AKAP19: variants seen among roughly 807,000 people sequenced by gnomAD.
AKAP19 encodes the protein small A-kinase anchoring protein.
At chr2:190,002,894 T>C in the AKAP19 span, among the ~76,000 whole-genome samples, 1 of 152,192 alleles carries the variant, frequency 6.6e-6, no homozygotes, top group Admixed American at 6.5e-5. Context: ...TTTTTCTTTT[T>C]AGTTGCGCTA....
chr2:189,915,167 T>C, the AKAP19 span, among the ~76,000 whole-genome samples: 1 of 152,096 alleles, frequency 6.6e-6, no homozygotes, highest in Non-Finnish European at 1.5e-5. Flanking sequence ...CAGTCTACAC[T>C]AGAACTGTTT....
chr2:190,083,912 C>T, the AKAP19 span, among the ~76,000 whole-genome samples: 8 of 152,066 alleles, frequency 5.3e-5, no homozygotes, highest in African/African-American at 1.9e-4. Context: ...AGTCACACAG[C>T]GAGCAAGTTA....
At chr2:190,164,544 G>A in the AKAP19 span, among the ~76,000 whole-genome samples, 2 of 151,892 alleles carry the variant, frequency 1.3e-5, no homozygotes, top group Admixed American at 6.5e-5. Flanking sequence ...AAATAAATAA[G>A]TAAGTTAATT....
At chr2:190,089,712 G>A in the AKAP19 span, 4 of 152,178 alleles carry the variant, frequency 2.6e-5, no homozygotes, top group Admixed American at 1.3e-4. Context: ...CACTGTTGAT[G>A]CTCAAAGGTA....
chr2:189,882,322 A>G, the AKAP19 span, among the ~76,000 whole-genome samples: 21 of 152,152 alleles, frequency 1.4e-4, no homozygotes, highest in African/African-American at 4.8e-4. Flanking sequence ...TAGAAAGTTT[A>G]TTTTGCCTAG....
At chr2:190,108,220 A>G in the AKAP19 span, among the ~76,000 whole-genome samples, 2 of 152,152 alleles carry the variant, frequency 1.3e-5, no homozygotes, top group African/African-American at 4.8e-5. Flanking sequence ...CAATGGTGCA[A>G]TCTTGGCCCA....
the AKAP19 span, among the ~76,000 whole-genome samples, chr2:190,166,235 C>T: frequency 6.9e-6 from 1 of 145,782 alleles, no homozygotes; most frequent in Non-Finnish European, 1.5e-5. Context: ...GGGAAATCTT[C>T]TGGAAAAATA....
the AKAP19 span, chr2:190,180,411 C>G: frequency 2.1e-6 from 2 of 943,312 alleles, no homozygotes; most frequent in South Asian, 9.8e-5. The surrounding 1 kb of genome is among the most constrained non-coding windows in gnomAD (Gnocchi z 6.8). Context: ...CAGGGCGGAG[C>G]TCAGGAGAGT....
At chr2:190,039,608 A>G in the AKAP19 span, among the ~76,000 whole-genome samples, 1 of 151,898 alleles carries the variant, frequency 6.6e-6, no homozygotes, top group African/African-American at 2.4e-5. Context: ...TGTACATATT[A>G]TTTACCACCC....
At chr2:190,034,852 T>G in the AKAP19 span, among the ~76,000 whole-genome samples, 1 of 58,862 alleles carries the variant, frequency 1.7e-5, no homozygotes, top group Non-Finnish European at 3.1e-5. Context: ...AGATCCTGTC[T>G]CACCAAAAAA....
the AKAP19 span, among the ~76,000 whole-genome samples, chr2:189,936,840 C>T: frequency 6.6e-6 from 1 of 152,158 alleles, no homozygotes; most frequent in Non-Finnish European, 1.5e-5. Context: ...AAAATACAAA[C>T]TGGGCCACGC....
chr2:189,987,290 T>C, the AKAP19 span, among the ~76,000 whole-genome samples: 3 of 152,180 alleles, frequency 2.0e-5, no homozygotes, highest in South Asian at 2.1e-4. Flanking sequence ...AAGAAATGCC[T>C]TTTGCCTCCC....
chr2:190,151,190 G>A, the AKAP19 span, among the ~76,000 whole-genome samples: 1 of 152,088 alleles, frequency 6.6e-6, no homozygotes, highest in Non-Finnish European at 1.5e-5. Context: ...GTTTACATTT[G>A]ACTATTATGC....
the AKAP19 span, among the ~76,000 whole-genome samples, chr2:190,071,366 A>G: frequency 1.3e-5 from 2 of 152,158 alleles, no homozygotes; most frequent in Admixed American, 6.6e-5. Flanking sequence ...CTTTTATACC[A>G]TATTTTTTAC....
At chr2:190,139,230 A>G in the AKAP19 span, among the ~76,000 whole-genome samples, 3 of 152,306 alleles carry the variant, frequency 2.0e-5, no homozygotes, top group African/African-American at 7.2e-5. Context: ...TTTGGTTAGG[A>G]GGTGACATTT....
At chr2:190,166,315 CTCT>C in the AKAP19 span, among the ~76,000 whole-genome samples, 11 of 88,960 alleles carry the variant, frequency 1.2e-4, no homozygotes, top group East Asian at 2.0e-3. Context: ...AAAAAATCCA[CTCT>C]TTTTTTTTTT....
the AKAP19 span, among the ~76,000 whole-genome samples, chr2:190,182,505 T>C: frequency 2.5e-4 from 38 of 152,334 alleles, 1 homozygote; most frequent in South Asian, 7.7e-3. Context: ...CTAGGGTTAC[T>C]GTGAGGATTA....
At chr2:189,887,021 G>T in the AKAP19 span, among the ~76,000 whole-genome samples, 1 of 152,026 alleles carries the variant, frequency 6.6e-6, no homozygotes, top group East Asian at 1.9e-4. Flanking sequence ...TTTAATTTCT[G>T]GGATACATGT....
chr2:190,016,801 A>G, the AKAP19 span, among the ~76,000 whole-genome samples: 1 of 152,280 alleles, frequency 6.6e-6, no homozygotes, highest in African/African-American at 2.4e-5. Flanking sequence ...TGTTAGGTTT[A>G]TTTGGTCTAA....
Sources: gnomAD v4.1 joint callset for allele counts (sites outside exome capture counted in the v4.1 genomes callset) on GRCh38, gnomAD v4.1.1 for gene constraint, Gnocchi (gnomAD v3.1) non-coding constraint, MANE v1.5 for transcripts, NCBI Gene and HGNC (gene_info 2026-07-23, HGNC 2026-07-21) for gene names.